The following SLC22A9 variants were observed in gnomAD, a reference collection of about 807,000 sequenced individuals.
The protein encoded by SLC22A9 is organic anion transporter 7.
Under a neutral mutation model 50.1 loss-of-function variants are expected in SLC22A9, and 64 were observed. The ratio of observed to expected loss-of-function variants is 1.28; its 90% CI spans 1.04 to 1.57. The LOEUF (loss-of-function observed/expected upper bound fraction) is 1.57. SLC22A9 is among the 40% of genes most tolerant of loss of function. The pLI is 0.00. For missense variants in SLC22A9, 757 were observed against 676.1 expected (o/e 1.12, Z -1.33); for synonymous variants, 261 against 242.5 (o/e 1.08, Z -0.71).
At chr11:63,397,589 G>A (rs534146952) in intron 6 of SLC22A9, among the ~76,000 whole-genome samples, 6 of 152,130 alleles carry the variant, frequency 3.9e-5, no homozygotes, top group East Asian at 3.9e-4. Flanking sequence ...GGCACCCAAG[G>A]CACAAAAGAA....
chr11:63,393,281 C>T (rs1333946812), intron 6 of SLC22A9, among the ~76,000 whole-genome samples: 1 of 152,044 alleles, frequency 6.6e-6, no homozygotes, highest in Non-Finnish European at 1.5e-5. Context: ...TGATTTGATT[C>T]TTCACTTGGT....
intron 6 of SLC22A9, among the ~76,000 whole-genome samples, chr11:63,386,628 C>T (rs915311452): frequency 1.1e-4 from 16 of 150,900 alleles, no homozygotes; most frequent in African/African-American, 2.4e-5. Flanking sequence ...TTTATTGTAT[C>T]CTCTGATGGT....
chr11:63,389,679 T>C (rs1340167176), intron 6 of SLC22A9, among the ~76,000 whole-genome samples: 1 of 152,194 alleles, frequency 6.6e-6, no homozygotes, highest in Non-Finnish European at 1.5e-5. Context: ...TGATTTATAA[T>C]CCTTTGGGTA....
At chr11:63,404,110 A>G (rs752834958) in intron 6 of SLC22A9, among the ~76,000 whole-genome samples, 11 of 152,198 alleles carry the variant, frequency 7.2e-5, no homozygotes, top group Non-Finnish European at 1.2e-4. Flanking sequence ...ATTCATTTAC[A>G]TATGAATGAA....
chr11:63,406,804 G>T (rs547002808), intron 7 of SLC22A9, 93 bp downstream of exon 7: 6 of 1,341,452 alleles, frequency 4.5e-6, no homozygotes, highest in Non-Finnish European at 5.0e-6. Context: ...AAGAAGGAAA[G>T]GGAGAATTGG....
chr11:63,370,368 C>T lies in SLC22A9; in HGVS notation c.312C>T (p.Thr104=), dbSNP rs2014330353. The T allele has an allele frequency of 6.2e-7, 1 of 1,613,974 alleles. No individual in the cohort carries two copies. Among genetic ancestry groups the T allele is most frequent in the Non-Finnish European group, 8.5e-7 (1 of 1,179,892 alleles). ...GGCAGCTCCTTCACCTGAATGGGAC[C>T]TTCCCCAACACAAGTGACGCAGACA... ...PQWQLLHLNG[T]FPNTSDADME... The change falls in exon 1 of 10, where the codon ACC becomes ACT. Residue 104 remains threonine (T), a synonymous_variant. Transcript: ENST00000279178.
rs868666934 is a variant in SLC22A9, at chr11:63,370,199, G to A, written c.143G>A (p.Arg48His). The A allele has an allele frequency of 2.5e-6, 4 of 1,613,954 alleles. No individual in the cohort carries two copies. Among genetic ancestry groups the A allele is most frequent in the African/African-American group, 2.7e-5 (2 of 74,992 alleles). ...ENFTAFIPGH[R>H]CWVHILDNDT... is the part of the protein sequence containing the mutation. The stretch of plus-strand genomic sequence containing the variant: ...TTCACTGCATTCATACCTGGCCATC[G>A]CTGCTGGGTCCACATCCTGGACAAT... Residue 48 changes from arginine to histidine, a missense_variant, in exon 1 of 10, where the codon CGC becomes CAC. Transcript: ENST00000279178.
At chr11:63,406,424 C>A in intron 6 of SLC22A9, 73 bp from the exon 7 acceptor site, 2 of 1,366,644 alleles carry the variant, frequency 1.5e-6, no homozygotes, top group Non-Finnish European at 1.0e-6. Context: ...CTGCCTGGGC[C>A]AATATTATTC....
chr11:63,397,366 A>G (rs2014877443), intron 6 of SLC22A9, among the ~76,000 whole-genome samples: 1 of 152,048 alleles, frequency 6.6e-6, no homozygotes, highest in African/African-American at 2.4e-5. Flanking sequence ...CAAGGCCCAT[A>G]GTAATCACTG....
At chr11:63,378,100 G>A (rs1429501766) in intron 5 of SLC22A9, among the ~76,000 whole-genome samples, 1 of 151,854 alleles carries the variant, frequency 6.6e-6, no homozygotes, top group East Asian at 1.9e-4. Context: ...TGGATTCACA[G>A]CTAAATTCTA....
At chr11:63,404,256 TA>T (rs34756727) in intron 6 of SLC22A9, among the ~76,000 whole-genome samples, 72,557 of 151,790 alleles carry the variant, frequency 0.48, 21,562 homozygotes, top group African/African-American at 0.82. Context: ...ATGAGATATC[TA>T]AAAAAAAGTC....
Position 63,370,449 on chromosome 11 carries a change from C to T in SLC22A9, c.393C>T (p.Ile131=), listed in dbSNP as rs1185606551. The T allele has an allele frequency of 7.6e-6, 12 of 1,585,742 alleles. No individual in the cohort carries two copies. Among genetic ancestry groups the T allele is most frequent in the South Asian group, 2.4e-5 (2 of 84,902 alleles). ...ACAGAATCTCCTTCTCATCCACCAT[C>T]GTGACTGAGGTAAGAGGCTCTGTTC... ...VYDRISFSST[I]VTEWDLVCDS... is the part of the protein sequence containing the mutation. Residue 131 remains isoleucine (I), a synonymous_variant, in exon 1 of 10, where the codon ATC becomes ATT. Coordinates refer to ENST00000279178, the MANE Select transcript of SLC22A9 (RefSeq NM_080866.3).
At chr11:63,377,828 C>T (rs930354648) in intron 5 of SLC22A9, among the ~76,000 whole-genome samples, 17 of 151,878 alleles carry the variant, frequency 1.1e-4, no homozygotes, top group East Asian at 5.8e-4. Context: ...AAAAAGAGAG[C>T]GGATTCAAAT....
intron 5 of SLC22A9, among the ~76,000 whole-genome samples, chr11:63,380,932 G>A (rs2014549683): frequency 6.6e-6 from 1 of 151,972 alleles, no homozygotes; most frequent in African/African-American, 2.4e-5. Flanking sequence ...AAACTAAATG[G>A]CAACTGATGA....
intron 5 of SLC22A9, among the ~76,000 whole-genome samples, chr11:63,377,128 T>C (rs1223359561): frequency 6.6e-6 from 1 of 151,786 alleles, no homozygotes; most frequent in Non-Finnish European, 1.5e-5. Flanking sequence ...CTGGCAGTGT[T>C]AGACAGATTA....
intron 6 of SLC22A9, among the ~76,000 whole-genome samples, chr11:63,393,630 A>T (rs1192282542): frequency 1.3e-5 from 2 of 152,138 alleles, no homozygotes; most frequent in East Asian, 3.8e-4. Flanking sequence ...AGTTTTAATT[A>T]TAATGAGATG....
chr11:63,407,841 C>T (rs574954865), intron 7 of SLC22A9, among the ~76,000 whole-genome samples: 9 of 152,322 alleles, frequency 5.9e-5, no homozygotes, highest in Admixed American at 2.6e-4. Flanking sequence ...TCAACTTACA[C>T]GCCTCTCTCT....
At chr11:63,392,141 C>T (rs1379093929) in intron 6 of SLC22A9, among the ~76,000 whole-genome samples, 1 of 151,914 alleles carries the variant, frequency 6.6e-6, no homozygotes, top group African/African-American at 2.4e-5. Flanking sequence ...GGCTTTTTAA[C>T]CTTTTCTTGT....
intron 6 of SLC22A9, among the ~76,000 whole-genome samples, chr11:63,388,136 T>C (rs1312832151): frequency 6.6e-6 from 1 of 152,082 alleles, no homozygotes; most frequent in Non-Finnish European, 1.5e-5. Context: ...TGACTTCGAG[T>C]TTTCCAATTT....
Sources: allele counts gnomAD v4.1 joint callset (sites outside exome capture counted in the v4.1 genomes callset), GRCh38; gene constraint gnomAD v4.1.1; transcripts MANE v1.5; gene names NCBI Gene and HGNC (gene_info 2026-07-23, HGNC 2026-07-21).